The following TRAPPC9 variants were observed in gnomAD, a reference collection of about 807,000 sequenced individuals.
The protein encoded by TRAPPC9 is IKK2 binding protein.
A neutral mutation model predicts 124.0 loss-of-function variants in TRAPPC9; 83 were observed. That is an observed-to-expected ratio of 0.67 (90% CI 0.56 to 0.80). The LOEUF (loss-of-function observed/expected upper bound fraction) is 0.80. TRAPPC9 is among the 30% of genes least tolerant of loss of function. The pLI, the probability that TRAPPC9 is intolerant of heterozygous loss-of-function variation, is 0.00. For synonymous variants in TRAPPC9, 638 were observed against 617.5 expected, an observed-to-expected ratio of 1.03 and a Z score of -0.49; for missense variants, 1,302 against 1,508.3, an observed-to-expected ratio of 0.86 and a Z score of 2.27.
intron 21 of TRAPPC9, among the ~76,000 whole-genome samples, chr8:139,735,816 C>T (rs1200151091): frequency 6.6e-6 from 1 of 152,162 alleles, no homozygotes; most frequent in African/African-American, 2.4e-5. Flanking sequence ...GAAGAGAAAG[C>T]TGATGAAGGC....
At chr8:140,005,781 GC>G (rs1040388442) in intron 18 of TRAPPC9, among the ~76,000 whole-genome samples, 3 of 151,930 alleles carry the variant, frequency 2.0e-5, no homozygotes, top group African/African-American at 7.2e-5. Context: ...CCATGGTGGT[GC>G]ACGCCTGTTG....
In TRAPPC9 at chr8:139,808,139, T is replaced by C. The variant is rs115319437; in HGVS notation, c.3056-75937A>G. ...TATTACTTTTTTGAGACATACTTCA[T>C]GTACCATGCAATTTACCCATTTGAA... On this transcript the variant is annotated intron_variant, in intron 21 of 22. Coordinates refer to ENST00000438773, the MANE Select transcript of TRAPPC9 (RefSeq NM_001160372.4). Among the ~76,000 whole-genome samples the C allele has an allele frequency of 6.3e-3, 967 of 152,330 alleles. 12 individuals carry two copies. The highest frequency in any genetic ancestry group is 0.022 in the African/African-American group (911 of 41,580).
rs4736114 is a variant in TRAPPC9, at chr8:139,902,197, C to T, written c.2964+7950G>A. On this transcript the variant is annotated intron_variant, in intron 20 of 22. Transcript: ENST00000438773. ...TGGATGCCGGGGAAAGGCCCTTCCCCGCTCTCATGTTCCAGATCTGAAGTC... is the reference window on the plus strand; with the variant it reads ...TGGATGCCGGGGAAAGGCCCTTCCCTGCTCTCATGTTCCAGATCTGAAGTC... 4.0e-3 allele frequency among the ~76,000 whole-genome samples: 603 copies of T among 152,328 alleles called. 10 individuals carry two copies. Among genetic ancestry groups the T allele is most frequent in the Admixed American group, 0.035 (531 of 15,306 alleles).
chr8:140,213,066 G>C (rs529544745), intron 17 of TRAPPC9, among the ~76,000 whole-genome samples: 33 of 119,600 alleles, frequency 2.8e-4, no homozygotes, highest in Middle Eastern at 4.0e-3. Flanking sequence ...GCAAGACTCT[G>C]TCTCAAAAAA....
chr8:140,084,243 T>C (rs946733146), intron 17 of TRAPPC9, among the ~76,000 whole-genome samples: 13 of 152,234 alleles, frequency 8.5e-5, no homozygotes, highest in South Asian at 2.1e-4. Context: ...GCATCTTCTA[T>C]AGTAAACATG....
In TRAPPC9 at chr8:140,252,087, T is replaced by C. The variant is rs1267292357; in HGVS notation, c.2431+690A>G. Reference sequence around the variant, plus strand: ...TTGCCCAGGCTGGAGTGCAGTGGCGTGATCTCGACTCACTGCAACCTCCGC... The same window carrying C: ...TTGCCCAGGCTGGAGTGCAGTGGCGCGATCTCGACTCACTGCAACCTCCGC... On this transcript the variant is annotated intron_variant, in intron 16 of 22. Transcript: ENST00000438773. The surrounding 1 kb of genome is among the most constrained non-coding windows in gnomAD (Gnocchi z 4.2). 6.6e-6 allele frequency among the ~76,000 whole-genome samples: 1 copy of C among 151,572 alleles called. No homozygotes were observed. Among genetic ancestry groups the C allele is most frequent in the Non-Finnish European group, 1.5e-5 (1 of 67,910 alleles).
intron 17 of TRAPPC9, among the ~76,000 whole-genome samples, chr8:140,056,766 G>T (rs1408429506): frequency 2.6e-5 from 4 of 152,004 alleles, no homozygotes; most frequent in African/African-American, 9.7e-5. Context: ...TGATTTCTTG[G>T]ATATGACACC....
At chr8:139,980,627 C>T (rs974566315) in intron 19 of TRAPPC9, among the ~76,000 whole-genome samples, 7 of 152,240 alleles carry the variant, frequency 4.6e-5, no homozygotes, top group African/African-American at 1.2e-4. Flanking sequence ...ATCAACCTGC[C>T]GGGCATGGAT....
intron 7 of TRAPPC9, among the ~76,000 whole-genome samples, chr8:140,373,472 T>C (rs867341182): frequency 6.6e-6 from 1 of 152,240 alleles, no homozygotes; most frequent in Admixed American, 6.5e-5. Context: ...AGCGGGAAGC[T>C]GCTGCTTCTT....
intron 15 of TRAPPC9, among the ~76,000 whole-genome samples, chr8:140,266,275 G>T (rs111349344): frequency 0.19 from 28,139 of 151,900 alleles, 2,694 homozygotes; most frequent in Admixed American, 0.22. Flanking sequence ...GGCCAACATG[G>T]TGAAACTCTG....
At chr8:139,944,643 C>T (rs897088384) in intron 19 of TRAPPC9, among the ~76,000 whole-genome samples, 2 of 152,014 alleles carry the variant, frequency 1.3e-5, no homozygotes, top group Non-Finnish European at 2.9e-5. Context: ...TATATAAATA[C>T]ATACATATAT....
chr8:140,184,603 TTTTTG>T (rs1228497978), intron 17 of TRAPPC9, among the ~76,000 whole-genome samples: 3 of 152,106 alleles, frequency 2.0e-5, no homozygotes, highest in African/African-American at 4.8e-5. Context: ...GCCTGACTAA[TTTTTG>T]TTTTGTTTTG....
At chr8:139,857,018 G>T (rs1267372052) in intron 21 of TRAPPC9, among the ~76,000 whole-genome samples, 2 of 152,122 alleles carry the variant, frequency 1.3e-5, no homozygotes, top group Non-Finnish European at 2.9e-5. Context: ...AAGGAGCAAC[G>T]GGACAGTCGG....
intron 21 of TRAPPC9, among the ~76,000 whole-genome samples, chr8:139,854,750 C>T (rs1827698128): frequency 6.6e-6 from 1 of 152,222 alleles, no homozygotes; most frequent in South Asian, 2.1e-4. Context: ...AGAAGCCTTG[C>T]TTGCAGCTAC....
At position 139,910,246 on chromosome 8, in the gene TRAPPC9, C is replaced by A; in HGVS notation, c.2865G>T (p.Gly955=). The A allele has an allele frequency of 6.2e-7, 1 of 1,614,152 alleles. No homozygotes were observed. The highest frequency in any genetic ancestry group is 8.5e-7 in the Non-Finnish European group (1 of 1,180,044). ...TGGGGTTTGCAAATTGCCCCTTCTC[C>A]CCAGGGGACTCCGGGAAACTCTCAA... ...FNFESFPESP[G]EKGQFANPKQ... The change falls in exon 20 of 23, where the codon GGG becomes GGT. Residue 955 remains glycine (G), a synonymous_variant. Transcript: ENST00000438773.
chr8:139,924,025 G>A (rs980071055), intron 19 of TRAPPC9, among the ~76,000 whole-genome samples: 1 of 152,124 alleles, frequency 6.6e-6, no homozygotes, highest in Admixed American at 6.5e-5. Context: ...TGCCGAGCAC[G>A]GGGAGGGGGC....
chr8:140,388,372 TA>T (rs752164773), intron 7 of TRAPPC9, among the ~76,000 whole-genome samples: 5,932 of 128,754 alleles, frequency 0.046, 179 homozygotes, highest in African/African-American at 0.1. Context: ...GAACTTACAG[TA>T]AAAAAAAAAA....
At chr8:140,429,225 G>A (rs1374681133) in intron 4 of TRAPPC9, among the ~76,000 whole-genome samples, 1 of 152,014 alleles carries the variant, frequency 6.6e-6, no homozygotes, top group East Asian at 1.9e-4. Flanking sequence ...GGGACTACAG[G>A]TGCGCACCAC....
At chr8:140,378,072 C>T (rs2068497716) in intron 7 of TRAPPC9, among the ~76,000 whole-genome samples, 2 of 152,300 alleles carry the variant, frequency 1.3e-5, no homozygotes, top group East Asian at 1.9e-4. Context: ...TTCATGTTTT[C>T]TGTTCACTGA....
Sources: gnomAD v4.1 joint callset for allele counts (sites outside exome capture counted in the v4.1 genomes callset) on GRCh38, gnomAD v4.1.1 for gene constraint, Gnocchi (gnomAD v3.1) non-coding constraint, MANE v1.5 for transcripts, NCBI Gene and HGNC (gene_info 2026-07-23, HGNC 2026-07-21) for gene names.